LRP1: variants seen among roughly 807,000 people sequenced by gnomAD.
LRP1 encodes the protein prolow-density lipoprotein receptor-related protein 1.
In LRP1, 51 loss-of-function variants were observed where a neutral mutation model predicts 541.5. That is an observed-to-expected ratio of 0.09 (90% CI 0.08 to 0.12). The LOEUF (loss-of-function observed/expected upper bound fraction) is 0.12. Among genes scored for constraint, LRP1 ranks in the 10% least tolerant of loss-of-function variants. LRP1 has a pLI of 1.00. For missense variants in LRP1, 3,878 were observed against 6,376.2 expected (o/e 0.61, Z 13.34); for synonymous variants, 2,219 against 2,470.8 (o/e 0.90, Z 3.02).
At chr12:57,164,164 C>T (rs1387170489) in intron 15 of LRP1, among the ~76,000 whole-genome samples, 1 of 152,204 alleles carries the variant, frequency 6.6e-6, no homozygotes, top group East Asian at 1.9e-4. Flanking sequence ...AGCAAGACAT[C>T]ATCTCAAAAA....
intron 44 of LRP1, among the ~76,000 whole-genome samples, chr12:57,191,896 C>CA (rs2036403693): frequency 1.6e-5 from 1 of 62,358 alleles, no homozygotes; most frequent in Non-Finnish European, 3.0e-5. Flanking sequence ...CCCACACATA[C>CA]CACATACACA....
chr12:57,187,209 C>T, intron 41 of LRP1, 58 bp from the exon 42 acceptor site: 1 of 1,551,464 alleles, frequency 6.4e-7, no homozygotes, highest in Non-Finnish European at 8.8e-7. Flanking sequence ...CCCCACGGCT[C>T]CTGTGCAGGC....
At chr12:57,133,886 G>T (rs2035094825) in intron 1 of LRP1, among the ~76,000 whole-genome samples, 1 of 151,946 alleles carries the variant, frequency 6.6e-6, no homozygotes, top group Admixed American at 6.6e-5. Flanking sequence ...GGTATCAAAG[G>T]ATGGGTTCCC....
At position 57,204,150 on chromosome 12, in the gene LRP1, C is replaced by T; in HGVS notation, c.10952-260C>T. The T allele has an allele frequency of 2.4e-6, 1 of 408,354 alleles. No individual in the cohort carries two copies. Among genetic ancestry groups the T allele is most frequent in the East Asian group, 3.8e-5 (1 of 26,646 alleles). The allele number at this position is 408,354 out of a possible 1,614,324, so 25.3% of individuals were successfully genotyped here. On this transcript the variant is annotated intron_variant, in intron 70 of 88. Coordinates refer to ENST00000243077, the MANE Select transcript of LRP1 (RefSeq NM_002332.3). The surrounding 1 kb of genome is among the most constrained non-coding windows in gnomAD (Gnocchi z 5.3). ...CCCACGTCCCCGCTGTGGAACTACA[C>T]AGCACAGTGCCCTGCCACATACCAG... is the stretch of plus-strand genomic sequence containing the variant.
intron 1 of LRP1, among the ~76,000 whole-genome samples, chr12:57,137,397 G>T (rs746699227): frequency 1.3e-5 from 2 of 152,136 alleles, no homozygotes; most frequent in Non-Finnish European, 2.9e-5. Context: ...AGTTGGACTG[G>T]ACTGAAACCA....
At chr12:57,152,206 C>T (rs960447935) in intron 6 of LRP1, among the ~76,000 whole-genome samples, 4 of 151,994 alleles carry the variant, frequency 2.6e-5, no homozygotes, top group Non-Finnish European at 5.9e-5. Context: ...TCTCTCTTGC[C>T]AAGAGAAGGG....
At chr12:57,146,778 G>A (rs1443943803) in intron 6 of LRP1, 2 of 152,564 alleles carry the variant, frequency 1.3e-5, no homozygotes, top group Non-Finnish European at 2.9e-5. Flanking sequence ...TGTCAAGCCT[G>A]GTTGGCTGAG....
intron 34 of LRP1, among the ~76,000 whole-genome samples, chr12:57,182,434 CG>C (rs1189785085): frequency 6.6e-6 from 1 of 151,106 alleles, no homozygotes; most frequent in African/African-American, 2.4e-5. Context: ...TCACTTGAAC[CG>C]GGAAGGTTCA....
At position 57,162,434 on chromosome 12, in the gene LRP1, G is replaced by C. The variant is rs2035755668; in HGVS notation, c.2320G>C (p.Gly774Arg). Residue 774 changes from glycine (G) to arginine (R), a missense_variant, in exon 14 of 89, where the codon GGC (glycine) becomes CGC (arginine). Coordinates refer to ENST00000243077, the MANE Select transcript of LRP1 (RefSeq NM_002332.3). This position sits in a 1 kb window ranked among gnomAD's most constrained non-coding sequence, Gnocchi z 5.2. ...SVYRLERGVG[G>R]APPTVTLLRS... is the part of the protein sequence containing the mutation. ...CTACCGCTTGGAACGGGGTGTAGGA[G>C]GCGCACCCCCCACTGTGACCCTTCT... The C allele has an allele frequency of 1.2e-6, 2 of 1,614,108 alleles. No individual in the cohort carries two copies. Among genetic ancestry groups the C allele is most frequent in the African/African-American group, 2.7e-5 (2 of 75,006 alleles).
intron 3 of LRP1, among the ~76,000 whole-genome samples, chr12:57,142,771 G>GT (rs2035320204): frequency 1.3e-5 from 2 of 152,114 alleles, no homozygotes; most frequent in South Asian, 4.1e-4. Context: ...TTCCCCCTCT[G>GT]TGGAGAAAGG....
intron 76 of LRP1, among the ~76,000 whole-genome samples, chr12:57,207,099 C>T (rs969394844): frequency 2.0e-5 from 3 of 151,870 alleles, no homozygotes; most frequent in African/African-American, 4.8e-5. Context: ...AAAAATTAGC[C>T]GGGCATGGTG....
In LRP1 at chr12:57,185,790, T is replaced by C; in HGVS notation, c.6723T>C (p.Phe2241=). The C allele has an allele frequency of 1.2e-6, 2 of 1,614,220 alleles. No homozygotes were observed. The highest frequency in any genetic ancestry group is 1.1e-5 in the South Asian group (1 of 91,082). The change falls in exon 41 of 89, where the codon TTT becomes TTC. Residue 2241 remains phenylalanine (F), a synonymous_variant. Coordinates refer to ENST00000243077, the MANE Select transcript of LRP1 (RefSeq NM_002332.3). The surrounding 1 kb of genome is among the most constrained non-coding windows in gnomAD (Gnocchi z 4.9). ...EHMKNVIALA[F]DYRAGTSPGT... is the part of the protein sequence containing the mutation. ...TGAAGAACGTCATCGCCCTGGCCTT[T>C]GACTACCGGGCAGGCACCTCTCCGG... is the stretch of plus-strand genomic sequence containing the variant.
chr12:57,200,428 CA>C lies in LRP1; in HGVS notation c.10015-13del. ...GACCCCCACCAACCCCTCTTGCCCCCACCTGCCCTCCAGTTTGTATGCAAGA... is the reference window on the plus strand; with the variant it reads ...GACCCCCACCAACCCCTCTTGCCCCCCCTGCCCTCCAGTTTGTATGCAAGA... On this transcript the variant is annotated splice_polypyrimidine_tract_variant and intron_variant, in intron 62 of 88. Transcript: ENST00000243077. The C allele has an allele frequency of 6.4e-7, 1 of 1,570,466 alleles. No individual in the cohort carries two copies. The highest frequency in any genetic ancestry group is 8.8e-7 in the Non-Finnish European group (1 of 1,140,636).
chr12:57,207,314 TAA>T (rs201353393), intron 76 of LRP1, among the ~76,000 whole-genome samples: 1 of 124,284 alleles, frequency 8.0e-6, no homozygotes, highest in Admixed American at 7.8e-5. Flanking sequence ...AATAAATAAA[TAA>T]ATAAATAAAA....
chr12:57,205,342 C>A lies in LRP1; in HGVS notation c.11336-9C>A. The stretch of plus-strand genomic sequence containing the variant: ...TCAAGGGAGGGCATCCACTCTCTGT[C>A]CCCCACAGACCCCAAGCTGACCAGC... On this transcript the variant is annotated splice_polypyrimidine_tract_variant and intron_variant, in intron 73 of 88. Coordinates refer to ENST00000243077, the MANE Select transcript of LRP1 (RefSeq NM_002332.3). This position sits in a 1 kb window ranked among gnomAD's most constrained non-coding sequence, Gnocchi z 4.6. 1 of 1,598,240 alleles carries A rather than the reference C, an allele frequency of 6.3e-7. No individual in the cohort carries two copies. The highest frequency in any genetic ancestry group is 8.5e-7 in the Non-Finnish European group (1 of 1,172,348).
chr12:57,165,588 A>G lies in LRP1; in HGVS notation c.2531-217A>G. 1.8e-6 allele frequency: 1 copy of G among 552,978 alleles called. No individual in the cohort carries two copies. Among genetic ancestry groups the G allele is most frequent in the Non-Finnish European group, 3.2e-6 (1 of 310,342 alleles). 34.3% of individuals were successfully genotyped at this position (552,978 alleles called of 1,614,324 possible). On this transcript the variant is annotated intron_variant, in intron 15 of 88. Coordinates refer to ENST00000243077, the MANE Select transcript of LRP1 (RefSeq NM_002332.3). The surrounding 1 kb of genome is among the most constrained non-coding windows in gnomAD (Gnocchi z 4.5). ...TTTGATTCTCAGGTCACACTGAAGT[A>G]CAGTAAGCATTAAGTAGAGTAAACA...
Position 57,211,527 on chromosome 12 carries a change from G to A in LRP1, c.13132G>A (p.Val4378Ile), listed in dbSNP as rs201059804. Residue 4378 changes from valine (V) to isoleucine (I), a missense_variant, in exon 85 of 89, where the codon GTC (valine) becomes ATC (isoleucine). Physicochemically the swap from Val to Ile is conservative, Grantham distance 29. Around this residue, in one of 13 missense-constraint regions of LRP1, gnomAD observed 871 missense variants for 1,212.4 expected, o/e 0.72. Coordinates refer to ENST00000243077, the MANE Select transcript of LRP1 (RefSeq NM_002332.3). This position sits in a 1 kb window ranked among gnomAD's most constrained non-coding sequence, Gnocchi z 4.3. ...GRVAPSCLTC[V>I]GHCSNGGSCT... ...GGTGGCCCCCAGCTGTCTGACCTGC[G>A]TCGGCCACTGCAGCAATGGCGGCTC... The A allele has an allele frequency of 6.2e-5, 100 of 1,614,002 alleles. 1 individual carries two copies. The Middle Eastern group carries it at 1.2e-3, about 19-fold the overall frequency.
In LRP1 at chr12:57,203,269, C is replaced by T. The variant is rs755695643; in HGVS notation, c.10800C>T (p.Cys3600=). 1.1e-5 allele frequency: 17 copies of T among 1,608,486 alleles called. No individual in the cohort carries two copies. The highest frequency in any genetic ancestry group is 4.4e-5 in the South Asian group (4 of 90,808). Reference sequence around the variant, plus strand: ...GGAAATGCGATGGAGACCACGACTGCGCGGACGGCTCGGACGAGGTGGGCA... The same window carrying T: ...GGAAATGCGATGGAGACCACGACTGTGCGGACGGCTCGGACGAGGTGGGCA... ...GRWKCDGDHD[C]ADGSDEKDCT... is the part of the protein sequence containing the mutation. Residue 3600 remains cysteine (C), a synonymous_variant, in exon 69 of 89, where the codon TGC becomes TGT. Coordinates refer to ENST00000243077, the MANE Select transcript of LRP1 (RefSeq NM_002332.3).
rs1565712713 is a variant in LRP1 at position 57,138,523 on chromosome 12, C to A, written c.132C>A (p.Gly44=). 5.0e-6 allele frequency: 8 copies of A among 1,614,114 alleles called. No homozygotes were observed. The highest frequency in any genetic ancestry group is 6.8e-6 in the Non-Finnish European group (8 of 1,179,996). The change falls in exon 2 of 89, where the codon GGC becomes GGA. Residue 44 remains glycine, a synonymous_variant. Coordinates refer to ENST00000243077, the MANE Select transcript of LRP1 (RefSeq NM_002332.3). ...ATCAAATAACCTGTATCTCAAAGGG[C>A]TGGCGGTGCGACGGTGAGAGGGACT... is the stretch of plus-strand genomic sequence containing the variant. The part of the protein sequence containing the change: ...CRDQITCISK[G]WRCDGERDCP...
Sources: allele counts gnomAD v4.1 joint callset (sites outside exome capture counted in the v4.1 genomes callset), GRCh38; gene constraint gnomAD v4.1.1; regional missense constraint gnomAD v4.1.1; non-coding constraint Gnocchi (gnomAD v3.1); transcripts MANE v1.5; gene names NCBI Gene and HGNC (gene_info 2026-07-23, HGNC 2026-07-21).